DIO1: variants seen among roughly 807,000 people sequenced by gnomAD.
DIO1 encodes iodothyronine deiodinase 1.
DIO1 carries 17 observed loss-of-function variants against 25.9 expected under a neutral mutation model. The ratio of observed to expected loss-of-function variants is 0.66; its 90% CI spans 0.45 to 0.98. The LOEUF (loss-of-function observed/expected upper bound fraction) is 0.98, where lower values mean the gene tolerates loss of function less well. Among genes scored for constraint, DIO1 ranks in the 50% least tolerant of loss-of-function variants. The pLI is 0.00. For missense variants in DIO1, 270 were observed against 310.4 expected (o/e 0.87, Z 0.98); for synonymous variants, 115 against 114.0 (o/e 1.01, Z -0.05).
intron 2 of DIO1, among the ~76,000 whole-genome samples, chr1:53,905,058 C>T (rs1315245491): frequency 6.6e-6 from 1 of 151,900 alleles, no homozygotes; most frequent in Non-Finnish European, 1.5e-5. Flanking sequence ...AGGATTCTAA[C>T]ATTTTGATCG....
Position 53,894,578 on chromosome 1 carries a change from C to A in DIO1, c.337+31C>A, listed in dbSNP as rs1210973799. 1.9e-6 allele frequency: 3 copies of A among 1,574,322 alleles called. No individual in the cohort carries two copies. The highest frequency in any genetic ancestry group is 1.1e-5 in the South Asian group (1 of 87,912). On this transcript the variant is annotated intron_variant, in intron 1 of 3. Transcript: ENST00000361921. The surrounding 1 kb of genome is among the most constrained non-coding windows in gnomAD (Gnocchi z 4.9). ...GAGGCTGCCACACACTTGAGGGGTGCTTGAAATAGCAGTGGTAGAGGGGGA... is the reference window on the plus strand; with the variant it reads ...GAGGCTGCCACACACTTGAGGGGTGATTGAAATAGCAGTGGTAGAGGGGGA...
intron 1 of DIO1, among the ~76,000 whole-genome samples, chr1:53,899,482 G>A (rs770276037): frequency 3.6e-4 from 55 of 152,164 alleles, no homozygotes; most frequent in Non-Finnish European, 4.7e-4. Flanking sequence ...TGCTGCTGAG[G>A]AAAGCAGAGA....
rs1473807968 is a variant in DIO1, at chr1:53,906,185, G to A, written c.572G>A (p.Ser191Asn). 2 of 1,614,192 alleles carry A rather than the reference G, an allele frequency of 1.2e-6. No homozygotes were observed. Among genetic ancestry groups the A allele is most frequent in the South Asian group, 2.2e-5 (2 of 91,082 alleles). ...GCAGCCCATCTACTGCTGGCCAGGA[G>A]CCCCCAGTGCCCTGTGGTGGTGGAC... is the stretch of plus-strand genomic sequence containing the variant. The part of the protein sequence containing the change: ...LQAAHLLLAR[S>N]PQCPVVVDTM... The change falls in exon 3 of 4, where the codon AGC (serine) becomes AAC (asparagine). Residue 191 changes from serine (S) to asparagine (N), a missense_variant. Transcript: ENST00000361921.
chr1:53,895,760 G>T (rs2268182), intron 1 of DIO1, among the ~76,000 whole-genome samples: 12,982 of 152,182 alleles, frequency 0.085, 937 homozygotes, highest in African/African-American at 0.19. Flanking sequence ...TGAGCTCCCC[G>T]CCACACTCAT....
At chr1:53,899,421 C>A (rs78755264) in intron 1 of DIO1, among the ~76,000 whole-genome samples, 1,940 of 152,284 alleles carry the variant, frequency 0.013, 48 homozygotes, top group African/African-American at 0.044. Flanking sequence ...GCACTGTGGT[C>A]TGTGGACATG....
intron 1 of DIO1, among the ~76,000 whole-genome samples, chr1:53,897,337 A>G (rs531515667): frequency 4.8e-4 from 73 of 152,274 alleles, no homozygotes; most frequent in African/African-American, 1.7e-3. Flanking sequence ...TCAGCCAGGC[A>G]TGGTGGCATG....
chr1:53,894,440 T>A lies in DIO1; in HGVS notation c.230T>A (p.Val77Asp), dbSNP rs1650968396. The A allele has an allele frequency of 6.2e-7, 1 of 1,614,156 alleles. No homozygotes were observed. Residue 77 changes from valine to aspartate, a missense_variant, in exon 1 of 4, where the codon GTC (valine) becomes GAC (aspartate). Val to Asp is a radical substitution (Grantham distance 152). Transcript: ENST00000361921. The surrounding 1 kb of genome is among the most constrained non-coding windows in gnomAD (Gnocchi z 4.9). ...CAGTATTTCTGGTTCGTCTTGAAGG[T>A]CCGTTGGCAGCGACTAGAGGACACG... Reference protein sequence around the residue: ...STQYFWFVLKVRWQRLEDTTE... With the variant: ...STQYFWFVLKDRWQRLEDTTE...
chr1:53,897,761 G>A (rs6663024), intron 1 of DIO1, among the ~76,000 whole-genome samples: 34,249 of 151,776 alleles, frequency 0.23, 4,085 homozygotes, highest in African/African-American at 0.29. Flanking sequence ...CTGAGTTGGG[G>A]GGGTCACTTA....
rs1389773318 is a variant in DIO1 at position 53,910,718 on chromosome 1, G to C, written c.*719G>C. On this transcript the variant is annotated 3_prime_UTR_variant, in exon 4 of 4. Coordinates refer to ENST00000361921, the MANE Select transcript of DIO1 (RefSeq NM_000792.7). Reference sequence around the variant, plus strand: ...ATATTTCATAGAAATCTAGCTCTCTGTACCCTGAAATCTTCCACTAGCCTC... The same window carrying C: ...ATATTTCATAGAAATCTAGCTCTCTCTACCCTGAAATCTTCCACTAGCCTC... 6.6e-6 allele frequency: 1 copy of C among 152,226 alleles called. No homozygotes were observed. Among genetic ancestry groups the C allele is most frequent in the East Asian group, 1.9e-4 (1 of 5,190 alleles). 9.4% of individuals were successfully genotyped at this position (152,226 alleles called of 1,614,324 possible).
At chr1:53,904,629 G>T (rs1053666077) in intron 1 of DIO1, 37 bp from the exon 2 acceptor site, 2 of 1,604,272 alleles carry the variant, frequency 1.2e-6, no homozygotes, top group African/African-American at 1.3e-5. Context: ...AAAGCTGTGT[G>T]TAGGGTCTCA....
intron 3 of DIO1, 78 bp downstream of exon 3, chr1:53,906,372 C>A: frequency 7.8e-7 from 1 of 1,285,194 alleles, no homozygotes; most frequent in Non-Finnish European, 1.1e-6. Context: ...GGCTTTGCAT[C>A]AAGCAGAACT....
chr1:53,894,269 C>T lies in DIO1; in HGVS notation c.59C>T (p.Ala20Val). Residue 20 changes from alanine to valine, a missense_variant, in exon 1 of 4, where the codon GCT (alanine) becomes GTT (valine). Coordinates refer to ENST00000361921, the MANE Select transcript of DIO1 (RefSeq NM_000792.7). This position sits in a 1 kb window ranked among gnomAD's most constrained non-coding sequence, Gnocchi z 4.9. ...LKRLWVLLEV[A>V]VHVVVGKVLL... is the part of the protein sequence containing the mutation. Reference sequence around the variant, plus strand: ...AGGCTCTGGGTGCTCTTGGAGGTGGCTGTGCATGTGGTCGTGGGTAAAGTG... The same window carrying T: ...AGGCTCTGGGTGCTCTTGGAGGTGGTTGTGCATGTGGTCGTGGGTAAAGTG... The T allele has an allele frequency of 1.2e-6, 2 of 1,614,222 alleles. No homozygotes were observed. Among genetic ancestry groups the T allele is most frequent in the Non-Finnish European group, 1.7e-6 (2 of 1,180,044 alleles).
At chr1:53,903,717 T>C (rs962472778) in intron 1 of DIO1, among the ~76,000 whole-genome samples, 2 of 151,686 alleles carry the variant, frequency 1.3e-5, no homozygotes, top group Non-Finnish European at 2.9e-5. Context: ...GGTGTGGTGG[T>C]GTGCACCTGG....
intron 1 of DIO1, among the ~76,000 whole-genome samples, chr1:53,899,324 T>G (rs7514037): frequency 0.23 from 34,642 of 152,000 alleles, 4,184 homozygotes; most frequent in African/African-American, 0.3. Context: ...GACATGGGGG[T>G]TAATTTACTG....
intron 1 of DIO1, among the ~76,000 whole-genome samples, chr1:53,901,140 T>C (rs1393915607): frequency 6.6e-6 from 1 of 151,954 alleles, no homozygotes; most frequent in African/African-American, 2.4e-5. Context: ...CCATTGTCTT[T>C]CATGTAGACT....
At chr1:53,895,841 G>A (rs909702688) in intron 1 of DIO1, among the ~76,000 whole-genome samples, 14 of 152,052 alleles carry the variant, frequency 9.2e-5, no homozygotes, top group Non-Finnish European at 1.6e-4. Context: ...TGCTGACATC[G>A]GCTGGTCAAG....
intron 3 of DIO1, among the ~76,000 whole-genome samples, chr1:53,908,946 T>C (rs1379624347): frequency 6.6e-6 from 1 of 151,552 alleles, no homozygotes; most frequent in Non-Finnish European, 1.5e-5. Flanking sequence ...ACAAAAAAAT[T>C]AGCCAGGCGT....
Position 53,910,628 on chromosome 1 carries a change from T to G in DIO1, c.*629T>G, listed in dbSNP as rs1159920685. ...CATTGGTGGTGATGATGGGTGAGTT[T>G]CCATGGTAACACATCCCTAATTTTA... On this transcript the variant is annotated 3_prime_UTR_variant, in exon 4 of 4. Coordinates refer to ENST00000361921, the MANE Select transcript of DIO1 (RefSeq NM_000792.7). 1 of 153,066 alleles carries G rather than the reference T, an allele frequency of 6.5e-6. No homozygotes were observed. Among genetic ancestry groups the G allele is most frequent in the Non-Finnish European group, 1.5e-5 (1 of 68,648 alleles). The allele number at this position is 153,066 out of a possible 1,614,324, so 9.5% of individuals were successfully genotyped here.
intron 3 of DIO1, among the ~76,000 whole-genome samples, chr1:53,906,993 A>C (rs1651690658): frequency 6.6e-6 from 1 of 152,064 alleles, no homozygotes; most frequent in South Asian, 2.1e-4. Context: ...AGGGGAATTG[A>C]CTTGTCCAAG....
Sources: allele counts gnomAD v4.1 joint callset (sites outside exome capture counted in the v4.1 genomes callset), GRCh38; gene constraint gnomAD v4.1.1; non-coding constraint Gnocchi (gnomAD v3.1); transcripts MANE v1.5; gene names NCBI Gene and HGNC (gene_info 2026-07-23, HGNC 2026-07-21).